Variants in PRTG observed in about 807,000 individuals in gnomAD.
PRTG encodes the protein immunoglobulin superfamily, DCC subclass, member 5.
A neutral mutation model predicts 122.5 loss-of-function variants in PRTG; 67 were observed. The ratio of observed to expected loss-of-function variants is 0.55; its 90% CI spans 0.45 to 0.67. The LOEUF is 0.67. Ranked by LOEUF, PRTG falls within the 30% of genes least tolerant of loss-of-function variation. PRTG has a pLI of 0.00. For synonymous variants in PRTG, 554 were observed against 501.1 expected (o/e 1.11, Z -1.41); for missense variants, 1,435 against 1,415.4 (o/e 1.01, Z -0.22).
At chr15:55,635,209 A>G (rs2141727657) in intron 15 of PRTG, among the ~76,000 whole-genome samples, 1 of 152,188 alleles carries the variant, frequency 6.6e-6, no homozygotes, top group South Asian at 2.1e-4. Flanking sequence ...CTCCTGTCTC[A>G]GCCTCCCGAG....
At chr15:55,646,182 T>TG (rs1415451824) in intron 11 of PRTG, among the ~76,000 whole-genome samples, 6 of 150,340 alleles carry the variant, frequency 4.0e-5, no homozygotes, top group African/African-American at 1.5e-4. Flanking sequence ...AGTTTTTTTT[T>TG]TTTTTTTTTT....
At chr15:55,648,829 T>C (rs750268061) in intron 11 of PRTG, among the ~76,000 whole-genome samples, 4 of 152,162 alleles carry the variant, frequency 2.6e-5, no homozygotes, top group Non-Finnish European at 4.4e-5. Flanking sequence ...CCGGGCACGG[T>C]GGCTCACACC....
At chr15:55,698,547 T>G (rs1037891747) in intron 2 of PRTG, among the ~76,000 whole-genome samples, 3 of 152,138 alleles carry the variant, frequency 2.0e-5, no homozygotes, top group Non-Finnish European at 4.4e-5. Flanking sequence ...TGCCTCAGCC[T>G]CCCAAAGTGC....
chr15:55,625,649 AGT>A (rs944538945), intron 17 of PRTG, among the ~76,000 whole-genome samples: 2 of 142,438 alleles, frequency 1.4e-5, no homozygotes, highest in African/African-American at 2.7e-5. Flanking sequence ...TTTGAGATGG[AGT>A]ATTGCTCTGT....
chr15:55,687,959 C>T (rs1327878276), intron 2 of PRTG, among the ~76,000 whole-genome samples: 3 of 152,210 alleles, frequency 2.0e-5, no homozygotes, highest in Non-Finnish European at 4.4e-5. Context: ...CCAATCTCTT[C>T]CCTCCCCTCT....
In PRTG at chr15:55,710,765, A is replaced by C. The variant is rs538445766; in HGVS notation, c.398-26834T>G. Among the ~76,000 whole-genome samples, 5 of 152,316 alleles carry C rather than the reference A, an allele frequency of 3.3e-5. No homozygotes were observed. In the East Asian group the frequency reaches 9.6e-4, roughly 29 times the overall value. On this transcript the variant is annotated intron_variant, in intron 2 of 19. Transcript: ENST00000389286. ...TCAACTTATATAGAATATAATTAAA[A>C]TTATCAGTAAAAAATACACAAACTC...
At chr15:55,680,017 G>T in intron 6 of PRTG, 37 bp downstream of exon 6, 1 of 1,567,218 alleles carries the variant, frequency 6.4e-7, no homozygotes, top group Non-Finnish European at 8.7e-7. Flanking sequence ...ATGTTAAAAT[G>T]TAAGATTCCC....
chr15:55,733,848 A>T (rs2031320705), intron 2 of PRTG, among the ~76,000 whole-genome samples: 1 of 152,156 alleles, frequency 6.6e-6, no homozygotes, highest in Non-Finnish European at 1.5e-5. Flanking sequence ...CAACAACAAC[A>T]ACAACAACAA....
intron 2 of PRTG, among the ~76,000 whole-genome samples, chr15:55,708,729 A>C (rs1268158690): frequency 6.6e-6 from 1 of 152,218 alleles, no homozygotes; most frequent in Admixed American, 6.5e-5. Flanking sequence ...AGAGTAGTGA[A>C]GCTGACTATA....
intron 2 of PRTG, among the ~76,000 whole-genome samples, chr15:55,697,674 G>A (rs1198544311): frequency 6.6e-6 from 1 of 152,068 alleles, no homozygotes; most frequent in East Asian, 1.9e-4. Flanking sequence ...ATTTTTAGTA[G>A]ACACAGCGTT....
intron 2 of PRTG, among the ~76,000 whole-genome samples, chr15:55,723,109 C>G (rs1196043366): frequency 6.6e-6 from 1 of 152,146 alleles, no homozygotes; most frequent in Non-Finnish European, 1.5e-5. Flanking sequence ...AACCCCAAAA[C>G]TGGTCCATGA....
rs576413793 is a variant in PRTG, at chr15:55,643,847, G to A, written c.2042-2639C>T. Among the ~76,000 whole-genome samples the A allele has an allele frequency of 5.9e-5, 9 of 151,612 alleles. No homozygotes were observed. In the South Asian group the frequency reaches 1.9e-3, roughly 32 times the overall value. On this transcript the variant is annotated intron_variant, in intron 11 of 19. Coordinates refer to ENST00000389286, the MANE Select transcript of PRTG (RefSeq NM_173814.6). The stretch of plus-strand genomic sequence containing the variant: ...CATGTGCCTCTGTCAAAAGAAGTTT[G>A]TCTCCTAATAATAATGATTTTTTTT...
intron 11 of PRTG, among the ~76,000 whole-genome samples, chr15:55,666,570 T>A (rs185116256): frequency 6.6e-6 from 1 of 152,356 alleles, no homozygotes; most frequent in East Asian, 1.9e-4. Context: ...TTAGAATCTG[T>A]GTTTTAACAA....
chr15:55,634,573 G>T (rs1338980852), intron 15 of PRTG, among the ~76,000 whole-genome samples: 1 of 152,124 alleles, frequency 6.6e-6, no homozygotes, highest in African/African-American at 2.4e-5. Flanking sequence ...AGGCATGGTG[G>T]CTCATGCCTG....
rs763617294 is a variant in PRTG, at chr15:55,641,224, T to A, written c.2042-16A>T. 2 of 1,557,684 alleles carry A rather than the reference T, an allele frequency of 1.3e-6. No homozygotes were observed. Among genetic ancestry groups the A allele is most frequent in the Non-Finnish European group, 1.8e-6 (2 of 1,129,004 alleles). ...CTTCTGGGGTCTATAAAGAAACCAA[T>A]AGGAAATAATTAGGACCAGGTCTCT... On this transcript the variant is annotated splice_polypyrimidine_tract_variant and intron_variant, in intron 11 of 19. Coordinates refer to ENST00000389286, the MANE Select transcript of PRTG (RefSeq NM_173814.6).
intron 8 of PRTG, 147 bp downstream of exon 8, chr15:55,677,650 C>T (rs938644639): frequency 3.0e-6 from 2 of 666,102 alleles, no homozygotes; most frequent in African/African-American, 1.8e-5. Context: ...ACAATAGATA[C>T]ATAGGTGATA....
At chr15:55,670,184 G>A (rs915164169) in intron 11 of PRTG, among the ~76,000 whole-genome samples, 8 of 151,968 alleles carry the variant, frequency 5.3e-5, no homozygotes, top group Non-Finnish European at 1.0e-4. Flanking sequence ...AGAAAATTTT[G>A]AAGAATTGCT....
chr15:55,641,271 A>T (rs2059289046), intron 11 of PRTG, 63 bp from the exon 12 acceptor site: 1 of 1,218,060 alleles, frequency 8.2e-7, no homozygotes, highest in Non-Finnish European at 1.2e-6. Context: ...AAGGTTCTGA[A>T]TGAAGCCTTT....
Position 55,743,087 on chromosome 15 carries a change from G to C in PRTG, c.-156C>G. The C allele has an allele frequency of 7.8e-7, 1 of 1,286,902 alleles. No individual in the cohort carries two copies. The highest frequency in any genetic ancestry group is 9.8e-7 in the Non-Finnish European group (1 of 1,021,888). The allele number at this position is 1,286,902 out of a possible 1,614,324, so 79.7% of individuals were successfully genotyped here. On this transcript the variant is annotated 5_prime_UTR_variant, in exon 1 of 20. Transcript: ENST00000389286. ...GCGTGGCGAGCGTCTCTGCGGCGGC[G>C]AGGCTGGTGCTCGGACGGCCGCTCG...
Sources: gnomAD v4.1 joint callset for allele counts (sites outside exome capture counted in the v4.1 genomes callset) on GRCh38, gnomAD v4.1.1 for gene constraint, MANE v1.5 for transcripts, NCBI Gene and HGNC (gene_info 2026-07-23, HGNC 2026-07-21) for gene names.